CNTNAP3B: variants seen among roughly 807,000 people sequenced by gnomAD.
CNTNAP3B encodes the protein contactin-associated protein-like 3B.
In CNTNAP3B, 25 loss-of-function variants were observed where a neutral mutation model predicts 108.9. The observed-to-expected ratio is 0.23, with a 90% CI of 0.17 to 0.32. The LOEUF is 0.32. Among genes scored for constraint, CNTNAP3B ranks in the 10% least tolerant of loss-of-function variants. The pLI is 1.00. For synonymous variants in CNTNAP3B, 103 were observed against 473.4 expected, an observed-to-expected ratio of 0.22 and a Z score of 10.16; for missense variants, 252 against 1,210.4, an observed-to-expected ratio of 0.21 and a Z score of 11.75.
intron 9 of CNTNAP3B, among the ~76,000 whole-genome samples, chr9:41,982,282 C>A (rs1271554335): frequency 1.4e-5 from 1 of 70,162 alleles, no homozygotes; most frequent in Non-Finnish European, 2.5e-5. Context: ...AGTAAACAGA[C>A]AACCTACTGG....
Position 42,113,505 on chromosome 9 carries a change from G to A in CNTNAP3B, c.86-8766C>T, listed in dbSNP as rs567601114. Reference sequence around the variant, plus strand: ...GGAAACCAAATAACAAAATTAAGTCGTGCAGAAAGACATCAGACACGACAC... The same window carrying A: ...GGAAACCAAATAACAAAATTAAGTCATGCAGAAAGACATCAGACACGACAC... On this transcript the variant is annotated intron_variant, in intron 1 of 23. Transcript: ENST00000377561. 6.5e-4 allele frequency among the ~76,000 whole-genome samples: 90 copies of A among 139,288 alleles called. 18 individuals are homozygous for A. The South Asian group carries it at 7.3e-3, about 11-fold the overall frequency. The allele number at this position is 139,288 out of a possible 152,430, so 91.4% of individuals were successfully genotyped here. A position where few individuals can be genotyped will look rare whatever the true frequency, so the allele number is the denominator to read the frequency against.
rs1042965523 is a variant in CNTNAP3B, at chr9:42,015,484, T to G, written c.391-1959A>C. Among the ~76,000 whole-genome samples, 16 of 88,508 alleles carry G rather than the reference T, an allele frequency of 1.8e-4. 5 individuals are homozygous for G. In the Admixed American group the frequency reaches 1.8e-3, roughly 10 times the overall value. 58.1% of individuals were successfully genotyped at this position (88,508 alleles called of 152,430 possible). ...ACAGCCCAGGCTGACCTATATAAAA[T>G]AAGCCATATCCCAGCTCCACCACCT... is the stretch of plus-strand genomic sequence containing the variant. On this transcript the variant is annotated intron_variant, in intron 3 of 23. Coordinates refer to ENST00000377561, the MANE Select transcript of CNTNAP3B (RefSeq NM_001201380.3).
intron 13 of CNTNAP3B, among the ~76,000 whole-genome samples, chr9:41,952,478 A>G (rs1380486964): frequency 6.6e-6 from 1 of 152,268 alleles, no homozygotes; most frequent in Admixed American, 6.5e-5. Context: ...TCAAGAAACT[A>G]TATGGAAACT....
intron 13 of CNTNAP3B, among the ~76,000 whole-genome samples, chr9:41,951,792 G>A (rs1320506988): frequency 2.0e-5 from 3 of 152,088 alleles, no homozygotes; most frequent in African/African-American, 7.2e-5. Context: ...TTAAGAGTGT[G>A]AGGGCCGGGC....
rs1376658967 is a variant in CNTNAP3B at position 42,018,420 on chromosome 9, T to G, written c.391-4895A>C. ...CTTCATGATTCCTCACTGAGGAAGG[T>G]GACTCATGGAAACCTTCACATCTGA... is the stretch of plus-strand genomic sequence containing the variant. On this transcript the variant is annotated intron_variant, in intron 3 of 23. Coordinates refer to ENST00000377561, the MANE Select transcript of CNTNAP3B (RefSeq NM_001201380.3). 1.4e-5 allele frequency among the ~76,000 whole-genome samples: 2 copies of G among 138,884 alleles called. 1 individual carries two copies. Among genetic ancestry groups the G allele is most frequent in the Admixed American group, 1.4e-4 (2 of 14,030 alleles). 91.1% of individuals were successfully genotyped at this position (138,884 alleles called of 152,430 possible). A position where few individuals can be genotyped will look rare whatever the true frequency, so the allele number is the denominator to read the frequency against.
At position 41,929,931 on chromosome 9, in the gene CNTNAP3B, T is replaced by C. The variant is rs1285763484; in HGVS notation, c.2238-487A>G. Among the ~76,000 whole-genome samples, 361 of 151,934 alleles carry C rather than the reference T, an allele frequency of 2.4e-3. 1 individual carries two copies. Among genetic ancestry groups the C allele is most frequent in the African/African-American group, 8.6e-3 (353 of 41,186 alleles). On this transcript the variant is annotated intron_variant, in intron 14 of 23. Coordinates refer to ENST00000377561, the MANE Select transcript of CNTNAP3B (RefSeq NM_001201380.3). ...TCCTGACCCGTTTGCCAATTCCTGA[T>C]CTAAATGATTACAGAGAAGGGGAAA... is the stretch of plus-strand genomic sequence containing the variant.
At chr9:41,948,282 G>A (rs1824584515) in intron 13 of CNTNAP3B, among the ~76,000 whole-genome samples, 2 of 151,244 alleles carry the variant, frequency 1.3e-5, no homozygotes, top group Admixed American at 1.3e-4. Flanking sequence ...AGTGGAGACG[G>A]GGTTTCACCA....
At chr9:42,103,692 A>T (rs1313654315) in intron 2 of CNTNAP3B, among the ~76,000 whole-genome samples, 1 of 91,852 alleles carries the variant, frequency 1.1e-5, no homozygotes, top group Non-Finnish European at 2.3e-5. Context: ...CTGAGATTGC[A>T]CCACCGCACT....
At chr9:41,894,541 A>T (rs1437238317) in intron 23 of CNTNAP3B, among the ~76,000 whole-genome samples, 1 of 36,754 alleles carries the variant, frequency 2.7e-5, no homozygotes, top group Non-Finnish European at 5.2e-5. Context: ...TAAATTGAAA[A>T]CACCAAAACT....
At position 42,006,139 on chromosome 9, in the gene CNTNAP3B, T is replaced by G. The variant is rs568124609; in HGVS notation, c.538+7239A>C. Among the ~76,000 whole-genome samples, 146 of 52,872 alleles carry G rather than the reference T, an allele frequency of 2.8e-3. 13 individuals carry two copies. Among genetic ancestry groups the G allele is most frequent in the African/African-American group, 7.8e-3 (139 of 17,796 alleles). 34.7% of individuals were successfully genotyped at this position (52,872 alleles called of 152,430 possible). On this transcript the variant is annotated intron_variant, in intron 4 of 23. Coordinates refer to ENST00000377561, the MANE Select transcript of CNTNAP3B (RefSeq NM_001201380.3). ...AAATGCTGATTTGAATTAACAACTG[T>G]GCCTAACCTAGAAGCCTATCAGAGG...
intron 13 of CNTNAP3B, among the ~76,000 whole-genome samples, chr9:41,945,500 G>A (rs1414858912): frequency 2.6e-5 from 4 of 152,310 alleles, no homozygotes; most frequent in African/African-American, 7.2e-5. Flanking sequence ...ATCATTCTCA[G>A]CAAACTATCG....
chr9:41,919,157 C>T lies in CNTNAP3B; in HGVS notation c.2995+913G>A, dbSNP rs1201730849. On this transcript the variant is annotated intron_variant, in intron 18 of 23. Coordinates refer to ENST00000377561, the MANE Select transcript of CNTNAP3B (RefSeq NM_001201380.3). ...CTTTTCTTTTTTTTTTTCCCCAAGA[C>T]GGAGTCTCACTCTGTCGCCCAGGAG... Among the ~76,000 whole-genome samples the T allele has an allele frequency of 8.0e-4, 122 of 151,830 alleles. No individual in the cohort carries two copies. In the East Asian group the frequency reaches 0.016, roughly 19 times the overall value.
At chr9:41,959,637 G>A (rs1330420277) in intron 12 of CNTNAP3B, among the ~76,000 whole-genome samples, 9 of 152,296 alleles carry the variant, frequency 5.9e-5, no homozygotes, top group East Asian at 1.9e-4. Flanking sequence ...ATGGCAGAAC[G>A]CCTGTGTTTC....
Position 42,015,448 on chromosome 9 carries a change from C to T in CNTNAP3B, c.391-1923G>A. 2.7e-5 allele frequency among the ~76,000 whole-genome samples: 2 copies of T among 75,358 alleles called. 1 individual carries two copies. The highest frequency in any genetic ancestry group is 5.4e-5 in the Non-Finnish European group (2 of 37,268). The allele number at this position is 75,358 out of a possible 152,430, so 49.4% of individuals were successfully genotyped here. A position where few individuals can be genotyped will look rare whatever the true frequency, so the allele number is the denominator to read the frequency against. On this transcript the variant is annotated intron_variant, in intron 3 of 23. Coordinates refer to ENST00000377561, the MANE Select transcript of CNTNAP3B (RefSeq NM_001201380.3). ...TTTGCACAACCTCTGCACTCACAAC[C>T]TTCTGTCTGGACAGCCCAGGCTGAC...
rs1435806549 is a variant in CNTNAP3B at position 41,955,022 on chromosome 9, G to T, written c.1877-1636C>A. ...TTTTTACAACCTGGTGTTACTCTGT[G>T]CACATCACCTACTCTCACCTTCAGA... On this transcript the variant is annotated intron_variant, in intron 12 of 23. Transcript: ENST00000377561. Among the ~76,000 whole-genome samples the T allele has an allele frequency of 7.9e-5, 12 of 151,328 alleles. 1 individual carries two copies. Among genetic ancestry groups the T allele is most frequent in the Admixed American group, 6.6e-4 (10 of 15,164 alleles).
At position 42,120,861 on chromosome 9, in the gene CNTNAP3B, T is replaced by C. The variant is rs1485035379; in HGVS notation, c.85+8149A>G. On this transcript the variant is annotated intron_variant, in intron 1 of 23. Coordinates refer to ENST00000377561, the MANE Select transcript of CNTNAP3B (RefSeq NM_001201380.3). ...GGGGGAGGGATAGCATTAGGAGATA[T>C]ACCTAATGTAAATGACAAGTTAATG... Among the ~76,000 whole-genome samples, 14 of 130,234 alleles carry C rather than the reference T, an allele frequency of 1.1e-4. 2 individuals carry two copies. The highest frequency in any genetic ancestry group is 3.7e-4 in the African/African-American group (12 of 32,318). 85.4% of individuals were successfully genotyped at this position (130,234 alleles called of 152,430 possible). A position where few individuals can be genotyped will look rare whatever the true frequency, so the allele number is the denominator to read the frequency against.
rs1207588441 is a variant in CNTNAP3B, at chr9:42,126,540, T to C, written c.85+2470A>G. 4.5e-4 allele frequency among the ~76,000 whole-genome samples: 62 copies of C among 137,260 alleles called. 14 individuals carry two copies. The highest frequency in any genetic ancestry group is 1.8e-3 in the African/African-American group (61 of 34,248). 90.0% of individuals were successfully genotyped at this position (137,260 alleles called of 152,430 possible). On this transcript the variant is annotated intron_variant, in intron 1 of 23. Transcript: ENST00000377561. ...TAACATTCAGATAAACTGCACATAA[T>C]CCCCAAAATGCCAAATGTTTAGAGA...
intron 4 of CNTNAP3B, among the ~76,000 whole-genome samples, chr9:42,003,094 G>A (rs1587192660): frequency 7.3e-6 from 1 of 136,254 alleles, no homozygotes; most frequent in Admixed American, 7.3e-5. Flanking sequence ...TCACTATGAT[G>A]CCAAGGCTGG....
intron 14 of CNTNAP3B, among the ~76,000 whole-genome samples, chr9:41,932,517 CT>C (rs1178493391): frequency 8.0e-6 from 1 of 124,864 alleles, no homozygotes; most frequent in Non-Finnish European, 1.7e-5. Flanking sequence ...ACTTTTTTTT[CT>C]TCTTTTTTTT....
Sources: gnomAD v4.1 joint callset for allele counts (sites outside exome capture counted in the v4.1 genomes callset) on GRCh38, gnomAD v4.1.1 for gene constraint, MANE v1.5 for transcripts, NCBI Gene and HGNC (gene_info 2026-07-23, HGNC 2026-07-21) for gene names.